Variants in MYT1L observed in about 807,000 individuals in gnomAD.
MYT1L encodes myelin transcription factor 1-like protein.
A neutral mutation model predicts 126.7 loss-of-function variants in MYT1L; 12 were observed. The ratio of observed to expected loss-of-function variants is 0.09; its 90% CI spans 0.06 to 0.15. The LOEUF is 0.15. Ranked by LOEUF, MYT1L falls within the 10% of genes least tolerant of loss-of-function variation. The pLI, the probability that MYT1L is intolerant of heterozygous loss-of-function variation, is 1.00. For missense variants in MYT1L, 979 were observed against 1,585.2 expected, an observed-to-expected ratio of 0.62 and a Z score of 6.49; for synonymous variants, 541 against 604.2, an observed-to-expected ratio of 0.90 and a Z score of 1.53.
chr2:1,997,331 T>C lies in MYT1L; in HGVS notation c.-141A>G, dbSNP rs1452440315. On this transcript the variant is annotated 5_prime_UTR_variant, in exon 5 of 25. Transcript: ENST00000647738. ...GTGGCAAAGTCACTTAATCTCTCTA[T>C]GCCTTGATTTCTCCATCTGTAAAAT... 6.6e-6 allele frequency: 1 copy of C among 152,626 alleles called. No individual in the cohort carries two copies. The highest frequency in any genetic ancestry group is 1.9e-4 in the East Asian group (1 of 5,198). 9.5% of individuals were successfully genotyped at this position (152,626 alleles called of 1,614,324 possible). A position where few individuals can be genotyped will look rare whatever the true frequency, so the allele number is the denominator to read the frequency against.
At chr2:2,134,866 C>T (rs138137695) in intron 3 of MYT1L, among the ~76,000 whole-genome samples, 6 of 152,296 alleles carry the variant, frequency 3.9e-5, no homozygotes, top group Non-Finnish European at 7.3e-5. Flanking sequence ...AGGGCACCAC[C>T]CACCTCCTAT....
At chr2:1,968,103 AAGCCC>A (rs1406359527) in intron 8 of MYT1L, among the ~76,000 whole-genome samples, 3 of 152,190 alleles carry the variant, frequency 2.0e-5, no homozygotes, top group African/African-American at 7.2e-5. Flanking sequence ...GTGCTCAGGG[AAGCCC>A]AGCCCCAGGG....
chr2:1,967,707 C>G (rs1168795748), intron 8 of MYT1L, among the ~76,000 whole-genome samples: 1 of 152,110 alleles, frequency 6.6e-6, no homozygotes, highest in Non-Finnish European at 1.5e-5. Context: ...AAGGTCGTTC[C>G]AGGGTGGAAG....
intron 21 of MYT1L, among the ~76,000 whole-genome samples, chr2:1,832,488 C>T (rs112820131): frequency 6.6e-6 from 1 of 152,204 alleles, no homozygotes; most frequent in African/African-American, 2.4e-5. Context: ...GGGGCTGGGG[C>T]CACCTCTCCT....
At chr2:2,161,216 C>T (rs1329969725) in intron 3 of MYT1L, among the ~76,000 whole-genome samples, 1 of 151,974 alleles carries the variant, frequency 6.6e-6, no homozygotes, top group African/African-American at 2.4e-5. Flanking sequence ...CCATCTCAAA[C>T]AAAACAAAAC....
intron 5 of MYT1L, among the ~76,000 whole-genome samples, chr2:1,981,739 G>C (rs1319922024): frequency 6.6e-6 from 1 of 152,192 alleles, no homozygotes; most frequent in Non-Finnish European, 1.5e-5. Flanking sequence ...GTTAACGGCA[G>C]CTTGAGAGAG....
At chr2:2,032,720 A>G (rs1286405917) in intron 4 of MYT1L, among the ~76,000 whole-genome samples, 3 of 108,266 alleles carry the variant, frequency 2.8e-5, no homozygotes, top group Non-Finnish European at 5.6e-5. Flanking sequence ...AGATTCTAGA[A>G]GGAGGGCCTT....
At chr2:1,894,019 C>T (rs985151642) in intron 14 of MYT1L, among the ~76,000 whole-genome samples, 3 of 152,254 alleles carry the variant, frequency 2.0e-5, no homozygotes, top group African/African-American at 4.8e-5. Context: ...AACCGCTTTA[C>T]ACCCAGATTC....
At chr2:1,978,854 G>C (rs543160473) in intron 8 of MYT1L, among the ~76,000 whole-genome samples, 1 of 152,100 alleles carries the variant, frequency 6.6e-6, no homozygotes, top group Non-Finnish European at 1.5e-5. Context: ...TGGGCTCCTC[G>C]GTGAGCAGTG....
At chr2:1,973,475 G>C (rs1159082071) in intron 8 of MYT1L, among the ~76,000 whole-genome samples, 4 of 151,984 alleles carry the variant, frequency 2.6e-5, no homozygotes, top group African/African-American at 9.7e-5. Context: ...AACATGCAAA[G>C]CCAAAAAAAA....
intron 3 of MYT1L, among the ~76,000 whole-genome samples, chr2:2,055,222 C>T (rs540857157): frequency 3.9e-5 from 6 of 152,184 alleles, no homozygotes; most frequent in African/African-American, 1.2e-4. Flanking sequence ...CAGAAGCATA[C>T]GGGATGTATC....
chr2:2,307,477 A>C (rs2095873955), intron 1 of MYT1L, among the ~76,000 whole-genome samples: 1 of 152,154 alleles, frequency 6.6e-6, no homozygotes, highest in African/African-American at 2.4e-5. Flanking sequence ...ATTGGCAGGA[A>C]GTAGCCACTG....
chr2:2,013,866 G>A (rs191487176), intron 4 of MYT1L, among the ~76,000 whole-genome samples: 28 of 152,364 alleles, frequency 1.8e-4, no homozygotes, highest in African/African-American at 4.8e-4. Flanking sequence ...GCCTGCGTCC[G>A]CACCCGGGCA....
chr2:2,100,008 C>T (rs1186311532), intron 3 of MYT1L, among the ~76,000 whole-genome samples: 2 of 152,328 alleles, frequency 1.3e-5, no homozygotes, highest in East Asian at 3.9e-4. Context: ...CCCTGTCCAT[C>T]CTCAATATAT....
At chr2:1,794,431 C>T (rs1281121135) in intron 23 of MYT1L, among the ~76,000 whole-genome samples, 1 of 152,220 alleles carries the variant, frequency 6.6e-6, no homozygotes, top group African/African-American at 2.4e-5. Context: ...CTGAGCTGTG[C>T]AGTGTGTCTG....
chr2:1,937,477 T>C (rs2056091478), intron 9 of MYT1L, among the ~76,000 whole-genome samples: 2 of 147,870 alleles, frequency 1.4e-5, no homozygotes, highest in Admixed American at 1.3e-4. Context: ...AGATCGTACG[T>C]CGAGAAGGCC....
intron 1 of MYT1L, among the ~76,000 whole-genome samples, chr2:2,299,087 G>C (rs985560345): frequency 1.4e-4 from 21 of 152,126 alleles, no homozygotes; most frequent in Admixed American, 1.2e-3. Flanking sequence ...CTCCTGACCT[G>C]GTGATCCATC....
intron 3 of MYT1L, among the ~76,000 whole-genome samples, chr2:2,167,996 AT>A (rs1019378597): frequency 3.3e-5 from 5 of 151,194 alleles, no homozygotes; most frequent in African/African-American, 1.2e-4. Context: ...AATGCATTTT[AT>A]TTTAAAAAAA....
intron 9 of MYT1L, among the ~76,000 whole-genome samples, chr2:1,931,684 C>A (rs1218755935): frequency 6.6e-6 from 1 of 152,160 alleles, no homozygotes; most frequent in African/African-American, 2.4e-5. Flanking sequence ...TATTTCTGGG[C>A]CTCCGTCTCA....
Sources: allele counts gnomAD v4.1 joint callset (sites outside exome capture counted in the v4.1 genomes callset), GRCh38; gene constraint gnomAD v4.1.1; transcripts MANE v1.5; gene names NCBI Gene and HGNC (gene_info 2026-07-23, HGNC 2026-07-21).